Variants in POU2F3 observed in about 807,000 individuals in gnomAD.
POU2F3 encodes POU class 2 homeobox 3.
A neutral mutation model predicts 59.2 loss-of-function variants in POU2F3; 23 were observed. The ratio of observed to expected loss-of-function variants is 0.39; its 90% CI spans 0.28 to 0.55. The LOEUF (loss-of-function observed/expected upper bound fraction) is 0.55. POU2F3 is among the 20% of genes least tolerant of loss of function. The probability of loss-of-function intolerance (pLI) is 0.66; values close to 1 mark genes in which losing one functional copy is unlikely to be tolerated. For synonymous variants in POU2F3, 190 were observed against 214.6 expected (o/e 0.89, Z 1.00); for missense variants, 473 against 544.5 (o/e 0.87, Z 1.31).
chr11:120,309,112 C>A (rs934911920), intron 9 of POU2F3, among the ~76,000 whole-genome samples: 2 of 152,120 alleles, frequency 1.3e-5, no homozygotes, highest in African/African-American at 4.8e-5. Context: ...GGAAAGACAG[C>A]CTACATCTAT....
At position 120,319,852 on chromosome 11, in the gene POU2F3, T is replaced by G. The variant is rs1941877414; in HGVS notation, c.*1460T>G. ...ATGAAGCCATTCCAGAAATGGTAAC[T>G]TAAAAAAAAAAAGACTACATGTCTA... On this transcript the variant is annotated 3_prime_UTR_variant, in exon 13 of 13. Transcript: ENST00000543440. 6.8e-6 allele frequency: 1 copy of G among 148,110 alleles called. No individual in the cohort carries two copies. The highest frequency in any genetic ancestry group is 1.5e-5 in the Non-Finnish European group (1 of 66,088). The allele number at this position is 148,110 out of a possible 1,614,324, so 9.2% of individuals were successfully genotyped here. A position where few individuals can be genotyped will look rare whatever the true frequency, so the allele number is the denominator to read the frequency against.
Position 120,317,234 on chromosome 11 carries a change from T to C in POU2F3, c.1141T>C (p.Ser381Pro). ...TTGCCTCTCCTTATCCTCAGTAACG[T>C]CATCCTGTTCCCCTGGGAACAACAG... is the stretch of plus-strand genomic sequence containing the variant. The part of the protein sequence containing the change: ...VHSTMPGTVT[S>P]SCSPGNNSRP... The change falls in exon 12 of 13, where the codon TCA becomes CCA. Residue 381 changes from serine (S) to proline (P), a missense_variant. Coordinates refer to ENST00000543440, the MANE Select transcript of POU2F3 (RefSeq NM_014352.4). The C allele has an allele frequency of 1.2e-6, 2 of 1,614,104 alleles. No individual in the cohort carries two copies. The highest frequency in any genetic ancestry group is 1.7e-6 in the Non-Finnish European group (2 of 1,180,000).
At chr11:120,280,483 T>C (rs907461736) in intron 3 of POU2F3, among the ~76,000 whole-genome samples, 3 of 152,196 alleles carry the variant, frequency 2.0e-5, no homozygotes, top group African/African-American at 7.2e-5. Flanking sequence ...AGCATTATTC[T>C]TCCCATTATA....
intron 2 of POU2F3, among the ~76,000 whole-genome samples, chr11:120,262,513 T>A (rs1432884346): frequency 6.6e-6 from 1 of 152,200 alleles, no homozygotes. Context: ...GGAATATGCA[T>A]CTCTAAAACA....
chr11:120,300,627 G>A (rs145110285), intron 5 of POU2F3, among the ~76,000 whole-genome samples: 27 of 152,236 alleles, frequency 1.8e-4, no homozygotes, highest in Non-Finnish European at 3.4e-4. Flanking sequence ...TGCCGGGTGT[G>A]GTGGTGCATG....
intron 1 of POU2F3, among the ~76,000 whole-genome samples, chr11:120,245,472 C>T (rs1591371021): frequency 6.6e-6 from 1 of 151,950 alleles, no homozygotes; most frequent in East Asian, 1.9e-4. Context: ...AAGTGCTGCC[C>T]CAGAGAAGGG....
Position 120,247,408 on chromosome 11 carries a change from G to A in POU2F3, c.97+891G>A, listed in dbSNP as rs563186552. ...CTTGAAGCTATGAGATTCTTGTCAG[G>A]GGCAAGATAATTGGGGGTCTTGGCG... is the stretch of plus-strand genomic sequence containing the variant. On this transcript the variant is annotated intron_variant, in intron 2 of 12. Transcript: ENST00000543440. Among the ~76,000 whole-genome samples the A allele has an allele frequency of 5.9e-5, 9 of 152,208 alleles. No homozygotes were observed. In the South Asian group the frequency reaches 1.7e-3, roughly 28 times the overall value.
intron 3 of POU2F3, among the ~76,000 whole-genome samples, chr11:120,276,116 G>A (rs573274902): frequency 2.0e-4 from 30 of 152,192 alleles, no homozygotes; most frequent in Non-Finnish European, 3.5e-4. Flanking sequence ...AGGGTCCGTG[G>A]TGATGGCAGA....
intron 7 of POU2F3, 117 bp from the exon 8 acceptor site, chr11:120,305,527 G>A: frequency 7.0e-7 from 1 of 1,435,978 alleles, no homozygotes; most frequent in Middle Eastern, 2.6e-4. Context: ...CCGAGCATGG[G>A]TGAGCACTCA....
In POU2F3 at chr11:120,240,173, C is replaced by T. The variant is rs1938599349; in HGVS notation, c.-171C>T. ...AATCCTGGCGGCGCCGAGTGTTGCC[C>T]GGGCCGGAGCAGCGGAGCGCGCGAC... On this transcript the variant is annotated 5_prime_UTR_variant, in exon 1 of 13. Transcript: ENST00000543440. 1.5e-5 allele frequency: 18 copies of T among 1,218,594 alleles called. No homozygotes were observed. The highest frequency in any genetic ancestry group is 1.6e-5 in the Non-Finnish European group (16 of 973,684). The allele number at this position is 1,218,594 out of a possible 1,614,324, so 75.5% of individuals were successfully genotyped here. A position where few individuals can be genotyped will look rare whatever the true frequency, so the allele number is the denominator to read the frequency against.
chr11:120,303,318 A>C (rs1428350187), intron 6 of POU2F3: 1 of 152,226 alleles, frequency 6.6e-6, no homozygotes, highest in African/African-American at 2.4e-5. Context: ...AGATCTTAGA[A>C]TCTTCAAGAT....
Position 120,291,082 on chromosome 11 carries a change from C to T in POU2F3, c.133-7183C>T, listed in dbSNP as rs1322504687. On this transcript the variant is annotated intron_variant, in intron 3 of 12. Transcript: ENST00000543440. ...TCCAAAGCCAAGTGCATTATGTTTC[C>T]ATATCAAACAGATGTGTGTTTATCT... 2.6e-5 allele frequency among the ~76,000 whole-genome samples: 4 copies of T among 152,302 alleles called. No individual in the cohort carries two copies. In the East Asian group the frequency reaches 7.7e-4, roughly 29 times the overall value.
chr11:120,275,645 C>G (rs1427021920), intron 3 of POU2F3, among the ~76,000 whole-genome samples: 3 of 152,116 alleles, frequency 2.0e-5, no homozygotes, highest in Non-Finnish European at 4.4e-5. Context: ...TCCTGTGAGG[C>G]CAGAAGAGAG....
chr11:120,312,142 A>G (rs1259572118), intron 10 of POU2F3, among the ~76,000 whole-genome samples: 1 of 152,046 alleles, frequency 6.6e-6, no homozygotes, highest in Admixed American at 6.5e-5. Flanking sequence ...ATTTTTTTTG[A>G]GACAGAGTTT....
intron 2 of POU2F3, among the ~76,000 whole-genome samples, chr11:120,268,117 T>C (rs1383366909): frequency 6.6e-6 from 1 of 152,158 alleles, no homozygotes; most frequent in Non-Finnish European, 1.5e-5. Flanking sequence ...GAAGCATTTA[T>C]GATGTTCCTT....
intron 6 of POU2F3, chr11:120,303,721 T>TG (rs1257324105): frequency 6.6e-6 from 1 of 152,202 alleles, no homozygotes; most frequent in Non-Finnish European, 1.5e-5. Context: ...GACCCTTCAC[T>TG]GGGGGAAAGA....
chr11:120,259,822 G>A (rs17123750), intron 2 of POU2F3, among the ~76,000 whole-genome samples: 3,365 of 152,274 alleles, frequency 0.022, 130 homozygotes, highest in African/African-American at 0.075. Context: ...ACAGAACTCT[G>A]ACCATTAGGC....
Position 120,269,121 on chromosome 11 carries a change from C to T in POU2F3, c.98-89C>T, listed in dbSNP as rs561030043. Reference sequence around the variant, plus strand: ...GGTGCTCTTTTTCAAAATAGAGCCACACGCCTCTCAACATCCTAGTTTTTT... The same window carrying T: ...GGTGCTCTTTTTCAAAATAGAGCCATACGCCTCTCAACATCCTAGTTTTTT... On this transcript the variant is annotated intron_variant, in intron 2 of 12. Coordinates refer to ENST00000543440, the MANE Select transcript of POU2F3 (RefSeq NM_014352.4). 5.0e-6 allele frequency: 5 copies of T among 998,122 alleles called. No individual in the cohort carries two copies. In the Admixed American group the frequency reaches 1.1e-4, roughly 21 times the overall value. 61.8% of individuals were successfully genotyped at this position (998,122 alleles called of 1,614,324 possible).
intron 3 of POU2F3, among the ~76,000 whole-genome samples, chr11:120,283,772 C>CGTGTGTGTGTGTGTGT (rs36099803): frequency 1.0e-4 from 13 of 130,442 alleles, no homozygotes; most frequent in African/African-American, 1.7e-4. Flanking sequence ...TAATAGGCTT[C>CGTGTGTGTGTGTGTGT]GTGTGTGTGT....
Sources: gnomAD v4.1 joint callset for allele counts (sites outside exome capture counted in the v4.1 genomes callset) on GRCh38, gnomAD v4.1.1 for gene constraint, MANE v1.5 for transcripts, NCBI Gene and HGNC (gene_info 2026-07-23, HGNC 2026-07-21) for gene names.